Variants in UBE2E2 observed in about 807,000 individuals in gnomAD.
The protein encoded by UBE2E2 is ubiquitin-conjugating enzyme E2 E2.
A neutral mutation model predicts 24.7 loss-of-function variants in UBE2E2; 6 were observed. The observed-to-expected ratio is 0.24, with a 90% CI of 0.13 to 0.48. The LOEUF is 0.48. Among genes scored for constraint, UBE2E2 ranks in the 20% least tolerant of loss-of-function variants. UBE2E2 has a pLI of 0.99. For missense variants in UBE2E2, 169 were observed against 245.0 expected (o/e 0.69, Z 2.07); for synonymous variants, 104 against 83.6 (o/e 1.24, Z -1.33).
intron 2 of UBE2E2, 79 bp downstream of exon 2, chr3:23,208,954 A>C (rs971691889): frequency 1.1e-5 from 15 of 1,382,826 alleles, no homozygotes; most frequent in Non-Finnish European, 1.4e-5. Flanking sequence ...GCATTTAATC[A>C]TTTTTTCTGG....
At chr3:23,506,517 T>A (rs933662510) in intron 4 of UBE2E2, among the ~76,000 whole-genome samples, 2 of 152,118 alleles carry the variant, frequency 1.3e-5, no homozygotes, top group Non-Finnish European at 2.9e-5. Context: ...AATCCAAACA[T>A]TTCTCACCAT....
intron 3 of UBE2E2, among the ~76,000 whole-genome samples, chr3:23,496,387 G>C (rs1363571353): frequency 6.6e-6 from 1 of 152,106 alleles, no homozygotes; most frequent in Non-Finnish European, 1.5e-5. Context: ...TGAAACTCCA[G>C]TGTGCTGCTT....
intron 3 of UBE2E2, among the ~76,000 whole-genome samples, chr3:23,368,705 A>ACAAATACT (rs1696323516): frequency 6.6e-6 from 1 of 152,168 alleles, no homozygotes; most frequent in South Asian, 2.1e-4. Flanking sequence ...GAGGTATTTC[A>ACAAATACT]CAAATACTCC....
intron 3 of UBE2E2, among the ~76,000 whole-genome samples, chr3:23,367,673 A>G (rs1298474715): frequency 6.6e-6 from 1 of 152,112 alleles, no homozygotes; most frequent in Admixed American, 6.6e-5. Context: ...GTTCGGGCAG[A>G]TTAATTGAAC....
intron 4 of UBE2E2, among the ~76,000 whole-genome samples, chr3:23,500,577 C>T (rs143975299): frequency 6.6e-6 from 1 of 152,154 alleles, no homozygotes; most frequent in Admixed American, 6.5e-5. Flanking sequence ...TCTCGTCTGG[C>T]CCTGACTTAA....
chr3:23,576,377 G>T (rs1383299708), intron 5 of UBE2E2, among the ~76,000 whole-genome samples: 1 of 151,936 alleles, frequency 6.6e-6, no homozygotes, highest in Non-Finnish European at 1.5e-5. Flanking sequence ...CCAAGAAATG[G>T]CAAAGTGCAG....
At chr3:23,506,127 A>C (rs955546230) in intron 4 of UBE2E2, among the ~76,000 whole-genome samples, 3 of 152,166 alleles carry the variant, frequency 2.0e-5, no homozygotes, top group Admixed American at 6.5e-5. Context: ...AAACCCAACT[A>C]CCCATTCATT....
chr3:23,344,750 T>C (rs1376425331), intron 3 of UBE2E2, among the ~76,000 whole-genome samples: 1 of 151,676 alleles, frequency 6.6e-6, no homozygotes, highest in Non-Finnish European at 1.5e-5. Flanking sequence ...TGTGTGCTTG[T>C]AGTCCTAGCT....
chr3:23,384,043 T>C (rs932153576), intron 3 of UBE2E2, among the ~76,000 whole-genome samples: 3 of 152,224 alleles, frequency 2.0e-5, no homozygotes, highest in African/African-American at 7.2e-5. Context: ...TGTCCTGGGC[T>C]GGGGTACAGT....
chr3:23,331,671 A>G (rs1393510288), intron 3 of UBE2E2, among the ~76,000 whole-genome samples: 1 of 152,106 alleles, frequency 6.6e-6, no homozygotes, highest in African/African-American at 2.4e-5. Context: ...TAGAGGGACC[A>G]GTGGGAGATT....
At chr3:23,283,747 T>G (rs1313375319) in intron 3 of UBE2E2, among the ~76,000 whole-genome samples, 1 of 152,122 alleles carries the variant, frequency 6.6e-6, no homozygotes, top group African/African-American at 2.4e-5. Context: ...AGCAAGACCC[T>G]GTCTCAAAAC....
rs1238770313 is a variant in UBE2E2 at position 23,280,202 on chromosome 3, A to G, written c.227+62890A>G. 6.6e-6 allele frequency among the ~76,000 whole-genome samples: 1 copy of G among 152,218 alleles called. No homozygotes were observed. The highest frequency in any genetic ancestry group is 1.5e-5 in the Non-Finnish European group (1 of 68,042). On this transcript the variant is annotated intron_variant, in intron 3 of 5. Coordinates refer to ENST00000396703, the MANE Select transcript of UBE2E2 (RefSeq NM_152653.4). The surrounding 1 kb of genome is among the most constrained non-coding windows in gnomAD (Gnocchi z 4.3). ...CAAAGGTAGGCTGTGGGTACCAAAG[A>G]TAACTAACCTATAATAACCTATTTT...
chr3:23,558,519 G>C (rs1695844368), intron 5 of UBE2E2, among the ~76,000 whole-genome samples: 1 of 151,946 alleles, frequency 6.6e-6, no homozygotes, highest in Non-Finnish European at 1.5e-5. Flanking sequence ...CAGTCTCCAA[G>C]AAAAGGTTCA....
At chr3:23,524,480 T>G (rs1051011972) in intron 4 of UBE2E2, among the ~76,000 whole-genome samples, 3 of 152,142 alleles carry the variant, frequency 2.0e-5, no homozygotes, top group African/African-American at 7.2e-5. Flanking sequence ...TTTTCCTCAT[T>G]TTACAGATGA....
intron 5 of UBE2E2, among the ~76,000 whole-genome samples, chr3:23,550,032 C>CAA (rs35163126): frequency 0.017 from 1,646 of 96,346 alleles, 22 homozygotes; most frequent in Non-Finnish European, 0.024. Flanking sequence ...GACTCCATCT[C>CAA]AAAAAAAAAA....
intron 2 of UBE2E2, among the ~76,000 whole-genome samples, chr3:23,210,894 CTATT>C (rs1321289394): frequency 3.9e-5 from 6 of 152,242 alleles, no homozygotes. Flanking sequence ...TAATTATGTA[CTATT>C]TATTTTAAAT....
At chr3:23,367,395 C>G (rs904872463) in intron 3 of UBE2E2, among the ~76,000 whole-genome samples, 1 of 151,964 alleles carries the variant, frequency 6.6e-6, no homozygotes, top group Non-Finnish European at 1.5e-5. Context: ...GGCTGAAAGT[C>G]ACACCAACAT....
rs73136289 is a variant in UBE2E2, at chr3:23,320,947, C to T, written c.227+103635C>T. 4.4e-3 allele frequency among the ~76,000 whole-genome samples: 670 copies of T among 152,296 alleles called. 5 individuals are homozygous for T. The highest frequency in any genetic ancestry group is 0.01 in the Middle Eastern group (3 of 294). On this transcript the variant is annotated intron_variant, in intron 3 of 5. Transcript: ENST00000396703. ...CAACAGAAGTTAGTGCCTCACAGTT[C>T]TGAGAACTGGAAGTCTAAAATCAAG...
At chr3:23,490,957 C>CA (rs947674591) in intron 3 of UBE2E2, among the ~76,000 whole-genome samples, 2 of 151,730 alleles carry the variant, frequency 1.3e-5, no homozygotes, top group African/African-American at 4.8e-5. Context: ...CATTCACTGA[C>CA]AAAAAAGTAC....
Sources: allele counts gnomAD v4.1 joint callset (sites outside exome capture counted in the v4.1 genomes callset), GRCh38; gene constraint gnomAD v4.1.1; non-coding constraint Gnocchi (gnomAD v3.1); transcripts MANE v1.5; gene names NCBI Gene and HGNC (gene_info 2026-07-23, HGNC 2026-07-21).